Variants in SWT1 observed in about 807,000 individuals in gnomAD.
The protein encoded by SWT1 is transcriptional protein SWT1.
Under a neutral mutation model 107.3 loss-of-function variants are expected in SWT1, and 33 were observed. The observed-to-expected ratio is 0.31, with a 90% CI of 0.23 to 0.41. The LOEUF (loss-of-function observed/expected upper bound fraction) is 0.41. SWT1 is among the 10% of genes least tolerant of loss of function. The probability of loss-of-function intolerance (pLI) is 1.00; values close to 1 mark genes in which losing one functional copy is unlikely to be tolerated. For missense variants in SWT1, 898 were observed against 1,028.9 expected, an observed-to-expected ratio of 0.87 and a Z score of 1.74; for synonymous variants, 345 against 348.3, an observed-to-expected ratio of 0.99 and a Z score of 0.11.
intron 14 of SWT1, among the ~76,000 whole-genome samples, chr1:185,215,593 C>A (rs1362553886): frequency 6.6e-6 from 1 of 152,110 alleles, no homozygotes. Context: ...TACTCTGTCA[C>A]CCTGGCACGA....
chr1:185,206,846 TAATG>T, intron 13 of SWT1, 83 bp downstream of exon 13: 1 of 1,021,356 alleles, frequency 9.8e-7, no homozygotes, highest in Non-Finnish European at 1.4e-6. Context: ...GAAGATAAAT[TAATG>T]AAGAATTTGT....
At chr1:185,158,505 A>C (rs1553248820) in intron 1 of SWT1, among the ~76,000 whole-genome samples, 1 of 144,668 alleles carries the variant, frequency 6.9e-6, no homozygotes, top group Non-Finnish European at 1.5e-5. Context: ...TCTTGTTCTC[A>C]TTTCTTTTTT....
Position 185,286,752 on chromosome 1 carries a change from GTTTC to G in SWT1, c.2574-3918_2574-3915del, listed in dbSNP as rs1057410272. Among the ~76,000 whole-genome samples the G allele has an allele frequency of 2.6e-5, 4 of 151,992 alleles. No individual in the cohort carries two copies. The South Asian group carries it at 6.2e-4, about 24-fold the overall frequency. Reference sequence around the variant, plus strand: ...AGGATCTACAAATAGAAATTATTCTGTTTCTTTGTTTCCAGTTTGGATCTCTTTT... The same window carrying G: ...AGGATCTACAAATAGAAATTATTCTGTTTGTTTCCAGTTTGGATCTCTTTT... On this transcript the variant is annotated intron_variant, in intron 18 of 18. Coordinates refer to ENST00000367500, the MANE Select transcript of SWT1 (RefSeq NM_017673.7).
chr1:185,223,750 A>G (rs1276228127), intron 15 of SWT1, among the ~76,000 whole-genome samples: 1 of 152,116 alleles, frequency 6.6e-6, no homozygotes, highest in Non-Finnish European at 1.5e-5. Context: ...TCACCCAGGC[A>G]TTAGGCCTAG....
intron 18 of SWT1, chr1:185,281,369 A>G: frequency 4.2e-6 from 1 of 236,438 alleles, no homozygotes. Flanking sequence ...GTGACTGTGA[A>G]ACTGGAGCAG....
intron 14 of SWT1, among the ~76,000 whole-genome samples, chr1:185,220,055 C>T (rs1047182173): frequency 5.4e-5 from 8 of 148,736 alleles, no homozygotes; most frequent in Admixed American, 3.4e-4. Context: ...TTGAGGATCA[C>T]CTGAGTCCTA....
At chr1:185,271,571 G>T (rs1055745927) in intron 17 of SWT1, among the ~76,000 whole-genome samples, 182 bp downstream of exon 17, 4 of 151,616 alleles carry the variant, frequency 2.6e-5, no homozygotes, top group Admixed American at 2.6e-4. Flanking sequence ...TTAAAAAATG[G>T]TATATTTAAG....
intron 5 of SWT1, among the ~76,000 whole-genome samples, chr1:185,178,277 ACTAGAGT>A (rs1558016162): frequency 6.6e-6 from 1 of 152,188 alleles, no homozygotes; most frequent in African/African-American, 2.4e-5. Context: ...TGTCAGTATG[ACTAGAGT>A]CAAGATGGGT....
intron 13 of SWT1, among the ~76,000 whole-genome samples, chr1:185,209,212 C>T (rs1658572235): frequency 3.3e-5 from 5 of 151,732 alleles, no homozygotes; most frequent in Admixed American, 3.3e-4. Flanking sequence ...TATCCTGGCT[C>T]CAGTTTCTTA....
chr1:185,230,147 A>G (rs555870825), intron 15 of SWT1, among the ~76,000 whole-genome samples: 1 of 152,336 alleles, frequency 6.6e-6, no homozygotes, highest in Admixed American at 6.5e-5. Flanking sequence ...AAAGTAGGGG[A>G]GGAAATTCCT....
chr1:185,233,140 C>G (rs1378319724), intron 16 of SWT1, among the ~76,000 whole-genome samples: 1 of 152,136 alleles, frequency 6.6e-6, no homozygotes, highest in Non-Finnish European at 1.5e-5. Flanking sequence ...CTAGGTGATT[C>G]TGTTCATGCT....
chr1:185,168,462 T>A (rs1462666435), intron 4 of SWT1, 64 bp downstream of exon 4: 14 of 1,090,472 alleles, frequency 1.3e-5, no homozygotes, highest in Non-Finnish European at 1.7e-5. Flanking sequence ...TATTTGGATT[T>A]AAAAATTTTT....
chr1:185,259,890 C>T (rs1474709677), intron 16 of SWT1, among the ~76,000 whole-genome samples: 6 of 152,108 alleles, frequency 3.9e-5, no homozygotes, highest in African/African-American at 1.4e-4. Flanking sequence ...TCATATTTCC[C>T]TAAAGAGAGA....
Position 185,175,091 on chromosome 1 carries a change from A to G in SWT1, c.944A>G (p.His315Arg). The change falls in exon 5 of 19, where the codon CAT becomes CGT. Residue 315 changes from histidine to arginine, a missense_variant. Transcript: ENST00000367500. The stretch of plus-strand genomic sequence containing the variant: ...GACCATCAAGAAAGTAATGATTCAC[A>G]TTCTAGGGAAAACCTAACCCAGGTA... Reference protein sequence around the residue: ...HYDHQESNDSHSRENLTQSFE... With the variant: ...HYDHQESNDSRSRENLTQSFE... The G allele has an allele frequency of 6.4e-7, 1 of 1,560,642 alleles. No individual in the cohort carries two copies. The highest frequency in any genetic ancestry group is 1.4e-5 in the African/African-American group (1 of 72,796).
intron 16 of SWT1, among the ~76,000 whole-genome samples, chr1:185,240,034 G>A (rs539054228): frequency 1.3e-5 from 2 of 152,052 alleles, no homozygotes; most frequent in African/African-American, 2.4e-5. Context: ...CTGTAAATGC[G>A]TGCAGCTTCA....
At chr1:185,185,157 G>C (rs532900036) in intron 9 of SWT1, among the ~76,000 whole-genome samples, 10 of 152,258 alleles carry the variant, frequency 6.6e-5, no homozygotes, top group Middle Eastern at 3.4e-3. Context: ...GATAGTGACT[G>C]TATAGTTGTG....
intron 5 of SWT1, among the ~76,000 whole-genome samples, chr1:185,179,590 A>G (rs1360365575): frequency 6.6e-6 from 1 of 152,154 alleles, no homozygotes; most frequent in Non-Finnish European, 1.5e-5. Flanking sequence ...GTAATCCTCA[A>G]GTTCCTTCTG....
intron 16 of SWT1, among the ~76,000 whole-genome samples, chr1:185,240,024 CTG>C (rs1661155440): frequency 6.6e-6 from 1 of 152,060 alleles, no homozygotes; most frequent in African/African-American, 2.4e-5. Flanking sequence ...CTGAGGCACA[CTG>C]TAAATGCGTG....
In SWT1 at chr1:185,290,861, T is replaced by C; in HGVS notation, c.*58T>C. The C allele has an allele frequency of 6.8e-7, 1 of 1,480,954 alleles. No homozygotes were observed. 91.7% of individuals were successfully genotyped at this position (1,480,954 alleles called of 1,614,324 possible). On this transcript the variant is annotated 3_prime_UTR_variant, in exon 19 of 19. Coordinates refer to ENST00000367500, the MANE Select transcript of SWT1 (RefSeq NM_017673.7). ...TGTCCTTAAGAATAACAGAGTAGTT[T>C]TCAATCTGGTCACTCTTTTGGGCCA...
Sources: allele counts gnomAD v4.1 joint callset (sites outside exome capture counted in the v4.1 genomes callset), GRCh38; gene constraint gnomAD v4.1.1; transcripts MANE v1.5; gene names NCBI Gene and HGNC (gene_info 2026-07-23, HGNC 2026-07-21).